Variants in ATP8A2 observed in about 807,000 individuals in gnomAD.
The protein encoded by ATP8A2 is ATPase phospholipid transporting 8A2.
In ATP8A2, 100 loss-of-function variants were observed where a neutral mutation model predicts 165.6. The ratio of observed to expected loss-of-function variants is 0.60; its 90% confidence interval spans 0.51 to 0.71. The LOEUF (loss-of-function observed/expected upper bound fraction) is 0.71. Ranked by LOEUF, ATP8A2 falls within the 30% of genes least tolerant of loss-of-function variation. ATP8A2 has a pLI of 0.00. For missense variants in ATP8A2, 1,227 were observed against 1,479.5 expected, an observed-to-expected ratio of 0.83 and a Z score of 2.80; for synonymous variants, 543 against 548.8, an observed-to-expected ratio of 0.99 and a Z score of 0.15.
intron 2 of ATP8A2, among the ~76,000 whole-genome samples, chr13:25,513,355 C>G (rs566909078): frequency 6.7e-6 from 1 of 150,228 alleles, no homozygotes; most frequent in African/African-American, 2.5e-5. Context: ...ACATCTCAGA[C>G]GATGGGCGGC....
chr13:25,382,631 A>G (rs1173791324), intron 1 of ATP8A2, among the ~76,000 whole-genome samples: 1 of 152,210 alleles, frequency 6.6e-6, no homozygotes, highest in Non-Finnish European at 1.5e-5. Flanking sequence ...GCCATTTGAT[A>G]GATGTGTAGT....
chr13:25,909,510 G>A (rs1954041322), intron 33 of ATP8A2, among the ~76,000 whole-genome samples: 1 of 152,092 alleles, frequency 6.6e-6, no homozygotes, highest in Non-Finnish European at 1.5e-5. Flanking sequence ...GTATTATTAT[G>A]CATTTTAGGT....
At chr13:25,436,872 G>C (rs773832940) in intron 1 of ATP8A2, among the ~76,000 whole-genome samples, 9 of 151,898 alleles carry the variant, frequency 5.9e-5, no homozygotes, top group Non-Finnish European at 1.3e-4. Flanking sequence ...GGCCTCTCAG[G>C]GTTAGGTGAT....
intron 2 of ATP8A2, among the ~76,000 whole-genome samples, chr13:25,500,218 C>T (rs1016651414): frequency 2.0e-5 from 3 of 152,108 alleles, no homozygotes; most frequent in Non-Finnish European, 2.9e-5. Flanking sequence ...ATAGGGTGAG[C>T]GAGGTGCCAC....
intron 1 of ATP8A2, among the ~76,000 whole-genome samples, chr13:25,395,574 A>G (rs1172063216): frequency 6.6e-6 from 1 of 152,184 alleles, no homozygotes; most frequent in Non-Finnish European, 1.5e-5. Context: ...AGCCAGGAAG[A>G]GAGATGATTG....
intron 27 of ATP8A2, among the ~76,000 whole-genome samples, chr13:25,799,997 A>G (rs1388258110): frequency 1.3e-5 from 2 of 152,238 alleles, no homozygotes; most frequent in Non-Finnish European, 2.9e-5. Flanking sequence ...AATCGTAATA[A>G]CAACAGCAGC....
chr13:25,549,625 C>T (rs1047227396), intron 10 of ATP8A2, among the ~76,000 whole-genome samples: 1 of 152,046 alleles, frequency 6.6e-6, no homozygotes, highest in Non-Finnish European at 1.5e-5. Context: ...GCTTTCCTCT[C>T]TTCAGTGTCT....
At chr13:25,398,047 T>C (rs1002315637) in intron 1 of ATP8A2, among the ~76,000 whole-genome samples, 2 of 152,156 alleles carry the variant, frequency 1.3e-5, no homozygotes, top group African/African-American at 4.8e-5. Context: ...TAAATGTCTC[T>C]TATCAGAACT....
intron 36 of ATP8A2, among the ~76,000 whole-genome samples, chr13:26,013,825 G>A (rs193144913): frequency 1.2e-3 from 190 of 152,272 alleles, no homozygotes; most frequent in African/African-American, 4.2e-3. Flanking sequence ...AGAGAAGGAG[G>A]GAGACAGAGT....
At chr13:25,606,994 A>C (rs2040534049) in intron 24 of ATP8A2, among the ~76,000 whole-genome samples, 1 of 152,138 alleles carries the variant, frequency 6.6e-6, no homozygotes, top group South Asian at 2.1e-4. Flanking sequence ...GCAGGAGGTG[A>C]GTGGCAGGCG....
At chr13:25,405,692 T>A (rs544547498) in intron 1 of ATP8A2, among the ~76,000 whole-genome samples, 1 of 152,106 alleles carries the variant, frequency 6.6e-6, no homozygotes, top group African/African-American at 2.4e-5. Context: ...GGATCATGAG[T>A]TTTGAAAAAA....
chr13:25,614,453 C>A (rs1008109356), intron 24 of ATP8A2, among the ~76,000 whole-genome samples: 12 of 152,030 alleles, frequency 7.9e-5, no homozygotes, highest in African/African-American at 2.9e-4. Context: ...AGTTGGTATT[C>A]ACCTTTCTCT....
chr13:25,770,634 C>T (rs2044599516), intron 26 of ATP8A2, among the ~76,000 whole-genome samples: 1 of 152,156 alleles, frequency 6.6e-6, no homozygotes, highest in South Asian at 2.1e-4. Context: ...TCGGCTCTGT[C>T]TAGGCAGTGG....
chr13:25,917,346 G>T (rs1954298386), intron 33 of ATP8A2, among the ~76,000 whole-genome samples: 1 of 152,122 alleles, frequency 6.6e-6, no homozygotes, highest in Admixed American at 6.5e-5. Flanking sequence ...TTCTAAATCT[G>T]CAGAGAACCA....
At chr13:25,624,609 G>T (rs1015673148) in intron 24 of ATP8A2, among the ~76,000 whole-genome samples, 1 of 152,138 alleles carries the variant, frequency 6.6e-6, no homozygotes, top group African/African-American at 2.4e-5. Context: ...ACAAATTACA[G>T]TATTTCCTCA....
At chr13:25,382,769 T>G (rs2032884659) in intron 1 of ATP8A2, among the ~76,000 whole-genome samples, 1 of 152,116 alleles carries the variant, frequency 6.6e-6, no homozygotes, top group Non-Finnish European at 1.5e-5. Flanking sequence ...CTTTTTTTTT[T>G]TTTTGAGACA....
intron 19 of ATP8A2, among the ~76,000 whole-genome samples, chr13:25,575,175 C>G (rs1167278088): frequency 6.6e-6 from 1 of 152,106 alleles, no homozygotes; most frequent in African/African-American, 2.4e-5. Context: ...GTGATGGGGG[C>G]ATTATTTTCA....
At chr13:25,599,976 TGGTGACCGTCAA>T (rs1394037932) in intron 24 of ATP8A2, among the ~76,000 whole-genome samples, 2 of 152,212 alleles carry the variant, frequency 1.3e-5, no homozygotes, top group African/African-American at 4.8e-5. Context: ...ATGCAGGAAA[TGGTGACCGTCAA>T]GTTCTGCTCA....
chr13:25,817,817 A>C (rs925245767), intron 27 of ATP8A2, among the ~76,000 whole-genome samples: 2 of 152,030 alleles, frequency 1.3e-5, no homozygotes, highest in African/African-American at 4.8e-5. Context: ...AACTGGGACT[A>C]CAGGCATGTG....
Sources: allele counts gnomAD v4.1 joint callset (sites outside exome capture counted in the v4.1 genomes callset), GRCh38; gene constraint gnomAD v4.1.1; transcripts MANE v1.5; gene names NCBI Gene and HGNC (gene_info 2026-07-23, HGNC 2026-07-21).